Variants in CDH18 observed in about 807,000 individuals in gnomAD.
The protein encoded by CDH18 is cadherin 18.
In CDH18, 31 loss-of-function variants were observed where a neutral mutation model predicts 67.9. The observed-to-expected ratio is 0.46, with a 90% confidence interval of 0.34 to 0.62. The LOEUF is 0.62. CDH18 is among the 20% of genes least tolerant of loss of function. CDH18 has a pLI of 0.01. For missense variants in CDH18, 890 were observed against 975.5 expected, an observed-to-expected ratio of 0.91 and a Z score of 1.17; for synonymous variants, 362 against 347.2, an observed-to-expected ratio of 1.04 and a Z score of -0.48.
At position 19,581,946 on chromosome 5, in the gene CDH18, C is replaced by T. The variant is rs140195012; in HGVS notation, c.999+9111G>A. Among the ~76,000 whole-genome samples, 29 of 152,050 alleles carry T rather than the reference C, an allele frequency of 1.9e-4. No homozygotes were observed. In the East Asian group the frequency reaches 4.8e-3, roughly 25 times the overall value. Reference sequence around the variant, plus strand: ...CAGTCTGTGGAAACCGGAGTATATGCATAAGCTTTCTCATCATATATTTCT... The same window carrying T: ...CAGTCTGTGGAAACCGGAGTATATGTATAAGCTTTCTCATCATATATTTCT... On this transcript the variant is annotated intron_variant, in intron 7 of 12. Transcript: ENST00000382275.
chr5:19,755,452 TATATATACAC>T (rs1358687105), intron 3 of CDH18, among the ~76,000 whole-genome samples: 5,797 of 19,998 alleles, frequency 0.29, 888 homozygotes, highest in African/African-American at 0.34. Context: ...TATATATATA[TATATATACAC>T]ACACACACAC....
intron 2 of CDH18, among the ~76,000 whole-genome samples, chr5:20,128,235 G>A (rs982515090): frequency 6.6e-6 from 1 of 151,942 alleles, no homozygotes; most frequent in Admixed American, 6.6e-5. Flanking sequence ...TTCACCTCAC[G>A]AAGATACTAT....
chr5:20,189,819 G>T (rs1269720012), intron 2 of CDH18, among the ~76,000 whole-genome samples: 1 of 152,108 alleles, frequency 6.6e-6, no homozygotes, highest in Non-Finnish European at 1.5e-5. Flanking sequence ...TGTCAACTAT[G>T]CCAGTTATTT....
intron 1 of CDH18, among the ~76,000 whole-genome samples, chr5:20,448,058 C>T (rs1414548005): frequency 3.3e-5 from 5 of 151,960 alleles, no homozygotes; most frequent in East Asian, 1.9e-4. Context: ...CCCTCTCCCC[C>T]CACCCCACAA....
intron 3 of CDH18, among the ~76,000 whole-genome samples, chr5:19,802,680 A>T (rs1777592116): frequency 6.6e-6 from 1 of 152,176 alleles, no homozygotes; most frequent in East Asian, 1.9e-4. Flanking sequence ...AACTTTTGGT[A>T]TGAAACCTTC....
chr5:19,542,053 G>T (rs574961794), intron 9 of CDH18, among the ~76,000 whole-genome samples: 1 of 152,194 alleles, frequency 6.6e-6, no homozygotes, highest in African/African-American at 2.4e-5. Context: ...CCCTTTAAAA[G>T]TAATTAGTGA....
intron 1 of CDH18, among the ~76,000 whole-genome samples, chr5:20,542,439 A>G (rs553436248): frequency 6.6e-6 from 1 of 151,564 alleles, no homozygotes; most frequent in South Asian, 2.1e-4. Context: ...ATACATAGCA[A>G]TGTGTGTGTG....
rs1334877520 is a variant in CDH18, at chr5:19,970,820, T to A, written c.-257+10240A>T. ...AAATATATATAAGTGTTTAAAATAATAAAGAAGATAGAAAAAAATAGAATT... is the reference window on the plus strand; with the variant it reads ...AAATATATATAAGTGTTTAAAATAAAAAAGAAGATAGAAAAAAATAGAATT... On this transcript the variant is annotated intron_variant, in intron 2 of 12. Transcript: ENST00000382275. 3.3e-5 allele frequency among the ~76,000 whole-genome samples: 5 copies of A among 151,022 alleles called. No individual in the cohort carries two copies. In the South Asian group the frequency reaches 6.2e-4, roughly 19 times the overall value.
chr5:20,001,933 T>C (rs1265395742), intron 2 of CDH18, among the ~76,000 whole-genome samples: 1 of 152,180 alleles, frequency 6.6e-6, no homozygotes, highest in Non-Finnish European at 1.5e-5. Flanking sequence ...TCAAGTCATT[T>C]TCAAAGTGGC....
intron 9 of CDH18, among the ~76,000 whole-genome samples, 200 bp downstream of exon 9, chr5:19,543,669 T>C (rs941304625): frequency 6.6e-6 from 1 of 152,126 alleles, no homozygotes; most frequent in African/African-American, 2.4e-5. Flanking sequence ...TCCATCACCA[T>C]GCCAGAATTA....
At chr5:20,231,252 C>A (rs1742046160) in intron 2 of CDH18, among the ~76,000 whole-genome samples, 1 of 152,224 alleles carries the variant, frequency 6.6e-6, no homozygotes, top group South Asian at 2.1e-4. Context: ...GTATGTGAAT[C>A]ATCAAAATTC....
chr5:20,560,506 CA>C (rs1309481547), intron 1 of CDH18, among the ~76,000 whole-genome samples: 10 of 150,994 alleles, frequency 6.6e-5, no homozygotes, highest in South Asian at 4.2e-4. Context: ...CACACACACA[CA>C]CACACCCCTA....
intron 8 of CDH18, among the ~76,000 whole-genome samples, chr5:19,559,690 C>T (rs1739091298): frequency 1.3e-5 from 2 of 151,934 alleles, no homozygotes; most frequent in African/African-American, 4.8e-5. Flanking sequence ...AAATAAAGGA[C>T]ATCCAATTGA....
chr5:19,900,874 T>C (rs1789872829), intron 2 of CDH18, among the ~76,000 whole-genome samples: 1 of 152,282 alleles, frequency 6.6e-6, no homozygotes, highest in South Asian at 2.1e-4. Context: ...AATAAAAACA[T>C]GAATTTTTAA....
At position 20,095,486 on chromosome 5, in the gene CDH18, A is replaced by AGAGG. The variant is rs199942459; in HGVS notation, c.-517-103476_-517-103473dup. 9.1e-3 allele frequency among the ~76,000 whole-genome samples: 1,002 copies of AGAGG among 110,476 alleles called. 18 individuals carry two copies. Among genetic ancestry groups the AGAGG allele is most frequent in the African/African-American group, 0.019 (551 of 28,858 alleles). 72.5% of individuals were successfully genotyped at this position (110,476 alleles called of 152,430 possible). ...AAGAAAGAAGGAAGGAAGGAGAGAG[A>AGAGG]GAGGGAGGGAGGGAGGGAGGGAGGA... is the stretch of plus-strand genomic sequence containing the variant. On this transcript the variant is annotated intron_variant, in intron 2 of 14. Coordinates refer to the CDH18 transcript ENST00000507958.
chr5:19,495,042 A>G (rs949315071), intron 11 of CDH18, among the ~76,000 whole-genome samples: 2 of 152,162 alleles, frequency 1.3e-5, no homozygotes, highest in African/African-American at 4.8e-5. Flanking sequence ...CTTTGGGAAG[A>G]ATTCTTTGGG....
chr5:19,895,253 T>G (rs1204582757), intron 2 of CDH18, among the ~76,000 whole-genome samples: 1 of 152,174 alleles, frequency 6.6e-6, no homozygotes, highest in Non-Finnish European at 1.5e-5. Context: ...TGGAATGTCT[T>G]GCAAACTGGT....
At chr5:20,307,402 TTAGA>T (rs1736566267) in intron 1 of CDH18, among the ~76,000 whole-genome samples, 1 of 152,152 alleles carries the variant, frequency 6.6e-6, no homozygotes, top group South Asian at 2.1e-4. Context: ...TAGATTTACC[TTAGA>T]TATTTTGTCA....
intron 1 of CDH18, among the ~76,000 whole-genome samples, chr5:20,565,233 T>C (rs181533189): frequency 6.6e-6 from 1 of 152,268 alleles, no homozygotes; most frequent in African/African-American, 2.4e-5. Context: ...TAAGGGGCCG[T>C]GATTTTTCAT....
Sources: allele counts gnomAD v4.1 joint callset (sites outside exome capture counted in the v4.1 genomes callset), GRCh38; gene constraint gnomAD v4.1.1; transcripts MANE v1.5; gene names NCBI Gene and HGNC (gene_info 2026-07-23, HGNC 2026-07-21).